Variants in SPACA7 observed in about 807,000 individuals in gnomAD.
SPACA7 encodes sperm acrosome-associated protein 7.
A neutral mutation model predicts 26.3 loss-of-function variants in SPACA7; 19 were observed. That is an observed-to-expected ratio of 0.72 (90% CI 0.50 to 1.06). The LOEUF (loss-of-function observed/expected upper bound fraction) is 1.06. Among genes scored for constraint, SPACA7 ranks in the 50% least tolerant of loss-of-function variants. The pLI, the probability that SPACA7 is intolerant of heterozygous loss-of-function variation, is 0.00. For synonymous variants in SPACA7, 84 were observed against 84.5 expected, an observed-to-expected ratio of 0.99 and a Z score of 0.04; for missense variants, 211 against 229.9, an observed-to-expected ratio of 0.92 and a Z score of 0.53.
intron 5 of SPACA7, among the ~76,000 whole-genome samples, chr13:112,426,831 G>C (rs1053045216): frequency 6.6e-6 from 1 of 152,116 alleles, no homozygotes; most frequent in Non-Finnish European, 1.5e-5. Context: ...CATATCACCT[G>C]GGAATCGTTT....
chr13:112,378,605 G>T (rs1237163709), intron 1 of SPACA7: 2 of 465,186 alleles, frequency 4.3e-6, no homozygotes, highest in Non-Finnish European at 8.9e-6. Flanking sequence ...CTTCACATGT[G>T]GTACCTAAAG....
At chr13:112,432,624 C>A in intron 6 of SPACA7, 103 bp downstream of exon 6, 1 of 869,296 alleles carries the variant, frequency 1.2e-6, no homozygotes, top group Non-Finnish European at 1.9e-6. Context: ...CAGGTGAGCC[C>A]AGCCCCCAGG....
chr13:112,392,302 C>T lies in SPACA7; in HGVS notation c.95-719C>T, dbSNP rs531059044. On this transcript the variant is annotated intron_variant, in intron 1 of 6. Transcript: ENST00000283550. ...AGGGTCACTCAGCACAGTCAGCTCC[C>T]ATCAGTCAGGCAGCCGAGGCCACAG... 4.0e-3 allele frequency among the ~76,000 whole-genome samples: 611 copies of T among 152,320 alleles called. 2 individuals are homozygous for T. The highest frequency in any genetic ancestry group is 0.014 in the African/African-American group (580 of 41,570).
chr13:112,418,375 A>G (rs1886821443), intron 5 of SPACA7, among the ~76,000 whole-genome samples: 1 of 152,206 alleles, frequency 6.6e-6, no homozygotes, highest in Non-Finnish European at 1.5e-5. Context: ...AAGTGTTGCA[A>G]ATGAAATCCC....
intron 5 of SPACA7, among the ~76,000 whole-genome samples, chr13:112,401,376 T>C (rs1009201548): frequency 6.6e-6 from 1 of 152,230 alleles, no homozygotes; most frequent in African/African-American, 2.4e-5. Flanking sequence ...TTAAGGGCCA[T>C]TTTTATACCA....
At chr13:112,384,391 A>G (rs1443554117) in intron 1 of SPACA7, among the ~76,000 whole-genome samples, 4 of 152,088 alleles carry the variant, frequency 2.6e-5, no homozygotes, top group Non-Finnish European at 5.9e-5. Context: ...ATAATTTTGG[A>G]ACATATATTA....
At chr13:112,409,248 A>C (rs1886189796) in intron 5 of SPACA7, among the ~76,000 whole-genome samples, 1 of 152,224 alleles carries the variant, frequency 6.6e-6, no homozygotes, top group Admixed American at 6.5e-5. Flanking sequence ...GTTAGACCTA[A>C]AATCATAAAA....
chr13:112,413,005 G>A (rs868028940), intron 5 of SPACA7, among the ~76,000 whole-genome samples: 35 of 152,048 alleles, frequency 2.3e-4, no homozygotes, highest in African/African-American at 7.7e-4. Flanking sequence ...GCATTTTCAC[G>A]TTTTGTTGCC....
At chr13:112,404,289 G>T (rs1885836017) in intron 5 of SPACA7, among the ~76,000 whole-genome samples, 1 of 151,834 alleles carries the variant, frequency 6.6e-6, no homozygotes. Flanking sequence ...TTTTCTTGCT[G>T]ATTTTTTCAT....
intron 5 of SPACA7, among the ~76,000 whole-genome samples, chr13:112,415,264 G>T (rs960734310): frequency 6.6e-6 from 1 of 152,144 alleles, no homozygotes; most frequent in African/African-American, 2.4e-5. Context: ...CCAATGCTGG[G>T]TCTCACCCAA....
At chr13:112,398,966 T>C (rs1885460436) in intron 3 of SPACA7, 100 bp from the exon 4 acceptor site, 1 of 734,680 alleles carries the variant, frequency 1.4e-6, no homozygotes, top group African/African-American at 1.8e-5. Flanking sequence ...TGTATTAACA[T>C]CCCAACCTTA....
intron 5 of SPACA7, among the ~76,000 whole-genome samples, chr13:112,424,381 T>C (rs1482362796): frequency 6.6e-6 from 1 of 152,188 alleles, no homozygotes; most frequent in African/African-American, 2.4e-5. Flanking sequence ...CAGGAGTCTG[T>C]GGACTTCAGG....
chr13:112,399,784 A>G (rs935039018), intron 4 of SPACA7, among the ~76,000 whole-genome samples: 6 of 152,190 alleles, frequency 3.9e-5, no homozygotes, highest in African/African-American at 1.4e-4. Flanking sequence ...TTATAAAGAA[A>G]AGAGGTTTAA....
At chr13:112,394,400 G>A (rs566486409) in intron 2 of SPACA7, among the ~76,000 whole-genome samples, 2,064 of 151,726 alleles carry the variant, frequency 0.014, 28 homozygotes, top group African/African-American at 0.048. Flanking sequence ...CCGGGACTGC[G>A]GCTGTGAAGG....
chr13:112,380,401 GTC>G lies in SPACA7; in HGVS notation c.94+3925_94+3926del, dbSNP rs1883972935. Among the ~76,000 whole-genome samples, 6 of 79,324 alleles carry G rather than the reference GTC, an allele frequency of 7.6e-5. No homozygotes were observed. In the South Asian group the frequency reaches 2.5e-3, roughly 34 times the overall value. The allele number at this position is 79,324 out of a possible 152,430, so 52.0% of individuals were successfully genotyped here. On this transcript the variant is annotated intron_variant, in intron 1 of 6. Coordinates refer to ENST00000283550, the MANE Select transcript of SPACA7 (RefSeq NM_145248.5). ...GCCTAGGCAACAAGAGCAAAACTCA[GTC>G]TCAAAAAAAAAAAAAAAAAAAAAAC...
intron 2 of SPACA7, 129 bp from the exon 3 acceptor site, chr13:112,397,920 T>TC: frequency 1.8e-6 from 1 of 549,312 alleles, no homozygotes; most frequent in Non-Finnish European, 3.2e-6. Context: ...TCCCCTGGGT[T>TC]CCCGGAGTTC....
chr13:112,387,976 A>C (rs971699240), intron 1 of SPACA7, among the ~76,000 whole-genome samples: 2 of 152,144 alleles, frequency 1.3e-5, no homozygotes, highest in Admixed American at 6.5e-5. Context: ...ACAACCTCTG[A>C]ATGGTAATTC....
At chr13:112,405,411 A>G (rs899770316) in intron 5 of SPACA7, among the ~76,000 whole-genome samples, 1 of 152,012 alleles carries the variant, frequency 6.6e-6, no homozygotes, top group Admixed American at 6.6e-5. Context: ...ATTTTCCAGA[A>G]ATTTATCATT....
At chr13:112,408,720 C>T (rs1209806699) in intron 5 of SPACA7, among the ~76,000 whole-genome samples, 1 of 152,006 alleles carries the variant, frequency 6.6e-6, no homozygotes, top group African/African-American at 2.4e-5. Context: ...AAATAGGACA[C>T]AAACAAATGG....
Sources: allele counts gnomAD v4.1 joint callset (sites outside exome capture counted in the v4.1 genomes callset), GRCh38; gene constraint gnomAD v4.1.1; transcripts MANE v1.5; gene names NCBI Gene and HGNC (gene_info 2026-07-23, HGNC 2026-07-21).